SUPT3H: variants seen among roughly 807,000 people sequenced by gnomAD.
SUPT3H encodes SPT3 homolog, SAGA and STAGA complex component.
In SUPT3H, 44 loss-of-function variants were observed where a neutral mutation model predicts 44.3. The observed-to-expected ratio is 0.99, with a 90% CI of 0.78 to 1.28. The LOEUF (loss-of-function observed/expected upper bound fraction) is 1.28, where lower values mean the gene tolerates loss of function less well. SUPT3H is among the 50% of genes most tolerant of loss of function. The probability of loss-of-function intolerance (pLI) is 0.00; values close to 1 mark genes in which losing one functional copy is unlikely to be tolerated. For synonymous variants in SUPT3H, 124 were observed against 125.6 expected (o/e 0.99, Z 0.09); for missense variants, 380 against 387.1 (o/e 0.98, Z 0.15).
intron 10 of SUPT3H, among the ~76,000 whole-genome samples, chr6:44,895,079 C>T (rs1397540130): frequency 6.6e-6 from 1 of 151,950 alleles, no homozygotes; most frequent in East Asian, 1.9e-4. Context: ...TTTTCTTTAA[C>T]ATTTATTTTT....
At chr6:45,247,577 T>C (rs1186247860) in intron 2 of SUPT3H, among the ~76,000 whole-genome samples, 3 of 152,178 alleles carry the variant, frequency 2.0e-5, no homozygotes, top group African/African-American at 7.2e-5. Context: ...TGCACATGCA[T>C]TACTACAATT....
At chr6:45,310,819 C>T (rs1783831625) in intron 2 of SUPT3H, among the ~76,000 whole-genome samples, 1 of 152,142 alleles carries the variant, frequency 6.6e-6, no homozygotes, top group African/African-American at 2.4e-5. Flanking sequence ...AGAGCCTACC[C>T]AAATAGGAAA....
intron 2 of SUPT3H, chr6:45,328,191 A>T: frequency 9.9e-7 from 1 of 1,011,650 alleles, no homozygotes; most frequent in Non-Finnish European, 1.3e-6. Flanking sequence ...AAGGGGGAAA[A>T]GCCACAGTGG....
Position 45,020,629 on chromosome 6 carries a change from GTAAC to G in SUPT3H, c.187-1_189del. ...AGCTGAGAAACTTCAGCAGCTTGCT[GTAAC>G]TAACAATAATGAAAATTTAGAAATT... On this transcript the variant is annotated splice_acceptor_variant and coding_sequence_variant, in exon 4 of 11. Coordinates refer to ENST00000371459, the MANE Select transcript of SUPT3H (RefSeq NM_003599.4). LOFTEE classifies it high-confidence loss of function. 6.2e-7 allele frequency: 1 copy of G among 1,609,024 alleles called. No individual in the cohort carries two copies. Among genetic ancestry groups the G allele is most frequent in the Non-Finnish European group, 8.5e-7 (1 of 1,177,048 alleles).
intron 2 of SUPT3H, among the ~76,000 whole-genome samples, chr6:45,161,822 T>G (rs1312472001): frequency 2.0e-5 from 3 of 152,184 alleles, no homozygotes; most frequent in African/African-American, 7.2e-5. Context: ...ATGGCTTAAT[T>G]TAAACACTAT....
At chr6:45,337,494 G>A (rs539779319) in intron 2 of SUPT3H, among the ~76,000 whole-genome samples, 2 of 151,536 alleles carry the variant, frequency 1.3e-5, no homozygotes, top group Non-Finnish European at 3.0e-5. Flanking sequence ...TTTTTAAGCT[G>A]ATGCATCTAC....
chr6:45,032,432 T>C (rs537080398), intron 3 of SUPT3H, among the ~76,000 whole-genome samples: 1 of 152,284 alleles, frequency 6.6e-6, no homozygotes, highest in South Asian at 2.1e-4. Context: ...TATACCTGCA[T>C]AAGTATTGCT....
chr6:45,225,397 C>T (rs539822902), intron 2 of SUPT3H, among the ~76,000 whole-genome samples: 3 of 151,990 alleles, frequency 2.0e-5, no homozygotes, highest in South Asian at 2.1e-4. Flanking sequence ...TTCATTTAAT[C>T]GACATTTTGT....
At chr6:45,041,685 T>C (rs1273462863) in intron 3 of SUPT3H, among the ~76,000 whole-genome samples, 1 of 152,212 alleles carries the variant, frequency 6.6e-6, no homozygotes, top group Non-Finnish European at 1.5e-5. Flanking sequence ...TTTCTTACCT[T>C]CCACCTTCTT....
At chr6:44,885,285 G>A (rs1181043499) in intron 10 of SUPT3H, among the ~76,000 whole-genome samples, 4 of 152,170 alleles carry the variant, frequency 2.6e-5, no homozygotes, top group Non-Finnish European at 2.9e-5. Context: ...GCATGCAGCT[G>A]GAGATCTGAG....
intron 3 of SUPT3H, among the ~76,000 whole-genome samples, chr6:45,082,451 G>T (rs540152853): frequency 6.6e-6 from 1 of 151,896 alleles, no homozygotes; most frequent in East Asian, 1.9e-4. Context: ...AACTGACCAC[G>T]ATCAATTAGG....
At chr6:45,227,752 CA>C (rs1452797780) in intron 2 of SUPT3H, among the ~76,000 whole-genome samples, 1 of 151,968 alleles carries the variant, frequency 6.6e-6, no homozygotes, top group Admixed American at 6.6e-5. Flanking sequence ...AGAAAAGGTC[CA>C]AAACACAGGT....
intron 2 of SUPT3H, among the ~76,000 whole-genome samples, chr6:45,312,976 C>G (rs1208682310): frequency 6.6e-6 from 1 of 151,990 alleles, no homozygotes; most frequent in East Asian, 1.9e-4. Context: ...GAAATCAACT[C>G]CAAAAGGAAC....
chr6:45,146,240 G>T (rs557427626), intron 2 of SUPT3H, among the ~76,000 whole-genome samples: 1 of 152,034 alleles, frequency 6.6e-6, no homozygotes, highest in African/African-American at 2.4e-5. Context: ...AGCACGATTC[G>T]CAACTGCAAA....
chr6:44,904,044 G>A (rs1765567167), intron 10 of SUPT3H, among the ~76,000 whole-genome samples: 1 of 152,108 alleles, frequency 6.6e-6, no homozygotes, highest in Admixed American at 6.6e-5. Context: ...AATAATAAGA[G>A]CTATCTATGA....
At chr6:44,834,663 C>T (rs1197829736) in intron 10 of SUPT3H, among the ~76,000 whole-genome samples, 1 of 152,138 alleles carries the variant, frequency 6.6e-6, no homozygotes, top group African/African-American at 2.4e-5. Context: ...GAGAGAGTGA[C>T]CCATCCACAG....
In SUPT3H at chr6:45,020,580, G is replaced by A; in HGVS notation, c.239C>T (p.Pro80Leu). Residue 80 changes from proline (P) to leucine (L), a missense_variant, in exon 4 of 11, where the codon CCT becomes CTT. Physicochemically the swap from Pro to Leu is moderately conservative, Grantham distance 98. Coordinates refer to ENST00000371459, the MANE Select transcript of SUPT3H (RefSeq NM_003599.4). ...SQLRGARVIT[P>L]EDLLFLMRKD... ...GCGCATCAAAAACAGAAGATCTTCAGGAGTGATTACCCTTGCTCCCCGCAG... is the reference window on the plus strand; with the variant it reads ...GCGCATCAAAAACAGAAGATCTTCAAGAGTGATTACCCTTGCTCCCCGCAG... 2 of 1,611,716 alleles carry A rather than the reference G, an allele frequency of 1.2e-6. No homozygotes were observed. Among genetic ancestry groups the A allele is most frequent in the Non-Finnish European group, 1.7e-6 (2 of 1,178,432 alleles).
intron 1 of SUPT3H, chr6:45,377,281 T>A (rs1357146952): frequency 6.6e-6 from 1 of 152,092 alleles, no homozygotes; most frequent in Admixed American, 6.5e-5. Flanking sequence ...AGCTAAATAA[T>A]TTCCCCAGGG....
chr6:44,952,251 C>T (rs974290202), intron 9 of SUPT3H, among the ~76,000 whole-genome samples: 1 of 152,106 alleles, frequency 6.6e-6, no homozygotes, highest in African/African-American at 2.4e-5. Context: ...GTTCACAGAT[C>T]CCTTGGATCC....
Sources: gnomAD v4.1 joint callset for allele counts (sites outside exome capture counted in the v4.1 genomes callset) on GRCh38, gnomAD v4.1.1 for gene constraint, MANE v1.5 for transcripts, NCBI Gene and HGNC (gene_info 2026-07-23, HGNC 2026-07-21) for gene names.